Variants in UNC5D observed in about 807,000 individuals in gnomAD.
The protein encoded by UNC5D is netrin receptor UNC5D.
Under a neutral mutation model 105.4 loss-of-function variants are expected in UNC5D, and 39 were observed. That is an observed-to-expected ratio of 0.37 (90% confidence interval 0.29 to 0.48). UNC5D has a LOEUF of 0.48. Ranked by LOEUF, UNC5D falls within the 20% of genes least tolerant of loss-of-function variation. The probability of loss-of-function intolerance (pLI) is 0.98; values close to 1 mark genes in which losing one functional copy is unlikely to be tolerated. For synonymous variants in UNC5D, 452 were observed against 450.4 expected, an observed-to-expected ratio of 1.00 and a Z score of -0.04; for missense variants, 991 against 1,202.4, an observed-to-expected ratio of 0.82 and a Z score of 2.60.
chr8:35,578,269 CAA>C (rs5890823), intron 3 of UNC5D, among the ~76,000 whole-genome samples: 14,376 of 71,334 alleles, frequency 0.2, 821 homozygotes, highest in African/African-American at 0.36. Flanking sequence ...AACTCTGTCT[CAA>C]AAAAAAAAAA....
At position 35,521,358 on chromosome 8, in the gene UNC5D, T is replaced by C. The variant is rs189643631; in HGVS notation, c.104-27934T>C. 7.2e-5 allele frequency among the ~76,000 whole-genome samples: 11 copies of C among 152,246 alleles called. No individual in the cohort carries two copies. The East Asian group carries it at 2.1e-3, about 29-fold the overall frequency. On this transcript the variant is annotated intron_variant, in intron 1 of 16. Transcript: ENST00000404895. ...CTACCACTTAAATGGCTCCCAGTAC[T>C]AAGGATGTTAAATTAATCCTGCTAT...
At chr8:35,265,726 C>T (rs974445927) in intron 1 of UNC5D, among the ~76,000 whole-genome samples, 4 of 151,816 alleles carry the variant, frequency 2.6e-5, no homozygotes, top group East Asian at 1.9e-4. Context: ...AAAAATTAGC[C>T]GGGCATGGTG....
chr8:35,591,813 A>G (rs1819193823), intron 3 of UNC5D, among the ~76,000 whole-genome samples: 1 of 152,204 alleles, frequency 6.6e-6, no homozygotes, highest in South Asian at 2.1e-4. Context: ...GAACAAGGAA[A>G]ACAGATGTAG....
chr8:35,244,638 A>C (rs189502622), intron 1 of UNC5D, among the ~76,000 whole-genome samples: 15 of 152,164 alleles, frequency 9.9e-5, no homozygotes, highest in African/African-American at 3.4e-4. Context: ...ACTTTTGAAA[A>C]ATCAGGGGAT....
At chr8:35,391,113 A>G (rs1803744741) in intron 1 of UNC5D, among the ~76,000 whole-genome samples, 1 of 152,250 alleles carries the variant, frequency 6.6e-6, no homozygotes, top group Admixed American at 6.5e-5. Flanking sequence ...TGCTGTAGGC[A>G]TAGGAGGAAC....
intron 1 of UNC5D, among the ~76,000 whole-genome samples, chr8:35,454,132 G>A (rs1808337855): frequency 6.6e-6 from 1 of 152,086 alleles, no homozygotes; most frequent in South Asian, 2.1e-4. Flanking sequence ...TTTTGCCTCA[G>A]TGACTTCATG....
intron 4 of UNC5D, among the ~76,000 whole-genome samples, chr8:35,655,356 G>A (rs936559279): frequency 2.6e-5 from 4 of 152,160 alleles, no homozygotes; most frequent in Admixed American, 6.5e-5. Context: ...CTCAACTCAC[G>A]ACGCTAGGTA....
intron 2 of UNC5D, among the ~76,000 whole-genome samples, chr8:35,552,009 A>T (rs1816188927): frequency 6.6e-6 from 1 of 152,218 alleles, no homozygotes; most frequent in African/African-American, 2.4e-5. Context: ...GTTCTGAACT[A>T]CTGTAGGATT....
chr8:35,467,950 C>G (rs1457762124), intron 1 of UNC5D, among the ~76,000 whole-genome samples: 1 of 152,082 alleles, frequency 6.6e-6, no homozygotes, highest in Non-Finnish European at 1.5e-5. Flanking sequence ...GTGATCTTAT[C>G]AAAAGGATAT....
At chr8:35,380,250 C>T (rs1435343707) in intron 1 of UNC5D, among the ~76,000 whole-genome samples, 4 of 133,316 alleles carry the variant, frequency 3.0e-5, no homozygotes, top group South Asian at 2.5e-4. Flanking sequence ...TGAGAGAGAC[C>T]GAGACCTCTG....
At chr8:35,707,807 G>A (rs1334367296) in intron 8 of UNC5D, among the ~76,000 whole-genome samples, 1 of 152,116 alleles carries the variant, frequency 6.6e-6, no homozygotes, top group Non-Finnish European at 1.5e-5. Flanking sequence ...AGTCCTTAGG[G>A]ACTTCAGAAT....
chr8:35,352,361 G>C (rs1460783752), intron 1 of UNC5D, among the ~76,000 whole-genome samples: 3 of 151,800 alleles, frequency 2.0e-5, no homozygotes, highest in Non-Finnish European at 4.4e-5. Context: ...TGGTTTGATT[G>C]GTCCTTATTC....
At chr8:35,345,673 A>G (rs1291952433) in intron 1 of UNC5D, among the ~76,000 whole-genome samples, 2 of 152,016 alleles carry the variant, frequency 1.3e-5, no homozygotes, top group Non-Finnish European at 2.9e-5. Flanking sequence ...ATAAACTTTT[A>G]TTTTAAATGT....
chr8:35,331,926 A>G (rs1001272327), intron 1 of UNC5D, among the ~76,000 whole-genome samples: 7 of 152,220 alleles, frequency 4.6e-5, no homozygotes, highest in Non-Finnish European at 1.0e-4. Flanking sequence ...GGCAGATAGC[A>G]CATGTTCAAT....
chr8:35,310,159 A>C (rs566098970), intron 1 of UNC5D, among the ~76,000 whole-genome samples: 1 of 152,144 alleles, frequency 6.6e-6, no homozygotes, highest in Non-Finnish European at 1.5e-5. Flanking sequence ...TTAATACCTT[A>C]TTTTCTAATT....
At chr8:35,365,977 C>T (rs1802099156) in intron 1 of UNC5D, among the ~76,000 whole-genome samples, 1 of 152,068 alleles carries the variant, frequency 6.6e-6, no homozygotes, top group Non-Finnish European at 1.5e-5. Context: ...TAAGACATAA[C>T]AAGAATTAAA....
intron 1 of UNC5D, among the ~76,000 whole-genome samples, chr8:35,397,796 T>G (rs1311754707): frequency 1.3e-5 from 2 of 152,194 alleles, no homozygotes; most frequent in Non-Finnish European, 2.9e-5. Context: ...CCTTCCTAAT[T>G]TAATCCACAC....
At chr8:35,365,754 T>A (rs1195166308) in intron 1 of UNC5D, among the ~76,000 whole-genome samples, 1 of 152,120 alleles carries the variant, frequency 6.6e-6, no homozygotes, top group African/African-American at 2.4e-5. Flanking sequence ...AATAGAATCC[T>A]GGTATTAAAT....
At chr8:35,323,600 C>T (rs1481063429) in intron 1 of UNC5D, among the ~76,000 whole-genome samples, 1 of 152,164 alleles carries the variant, frequency 6.6e-6, no homozygotes, top group Non-Finnish European at 1.5e-5. Context: ...ATTCCAAAAA[C>T]ATATGTCATT....
Sources: allele counts gnomAD v4.1 joint callset (sites outside exome capture counted in the v4.1 genomes callset), GRCh38; gene constraint gnomAD v4.1.1; transcripts MANE v1.5; gene names NCBI Gene and HGNC (gene_info 2026-07-23, HGNC 2026-07-21).